The following FBXL7 variants were observed in gnomAD, a reference collection of about 807,000 sequenced individuals.
FBXL7 encodes F-box and leucine rich repeat protein 7.
Under a neutral mutation model 38.3 loss-of-function variants are expected in FBXL7, and 12 were observed. The observed-to-expected ratio is 0.31, with a 90% CI of 0.20 to 0.51. FBXL7 has a LOEUF of 0.51. Among genes scored for constraint, FBXL7 ranks in the 20% least tolerant of loss-of-function variants. The pLI, the probability that FBXL7 is intolerant of heterozygous loss-of-function variation, is 0.98. For missense variants in FBXL7, 567 were observed against 676.4 expected (o/e 0.84, Z 1.79); for synonymous variants, 297 against 300.9 (o/e 0.99, Z 0.13).
intron 2 of FBXL7, among the ~76,000 whole-genome samples, chr5:15,776,453 A>T (rs975398963): frequency 2.0e-5 from 3 of 152,272 alleles, no homozygotes; most frequent in African/African-American, 4.8e-5. Context: ...GAAAAAAAAC[A>T]TGATCTGGGT....
intron 2 of FBXL7, among the ~76,000 whole-genome samples, chr5:15,626,945 C>A (rs1740841555): frequency 6.6e-6 from 1 of 152,108 alleles, no homozygotes; most frequent in Admixed American, 6.6e-5. Flanking sequence ...GGAGAGCTCA[C>A]AATATGTCAG....
At chr5:15,689,022 C>G (rs1403824126) in intron 2 of FBXL7, among the ~76,000 whole-genome samples, 1 of 152,194 alleles carries the variant, frequency 6.6e-6, no homozygotes, top group Non-Finnish European at 1.5e-5. Context: ...AGGCCTCGTC[C>G]TCCATCTCCC....
At chr5:15,626,812 C>A (rs1319253967) in intron 2 of FBXL7, among the ~76,000 whole-genome samples, 1 of 152,152 alleles carries the variant, frequency 6.6e-6, no homozygotes, top group African/African-American at 2.4e-5. Context: ...CTAAGTACAT[C>A]TAAGTGTATT....
intron 2 of FBXL7, among the ~76,000 whole-genome samples, chr5:15,676,220 T>G (rs907323065): frequency 1.3e-5 from 2 of 152,322 alleles, no homozygotes; most frequent in Non-Finnish European, 2.9e-5. Context: ...GGGGCCCTTT[T>G]CAGCTCTAAA....
intron 2 of FBXL7, among the ~76,000 whole-genome samples, chr5:15,841,129 C>CT (rs954042882): frequency 3.3e-5 from 5 of 151,852 alleles, no homozygotes; most frequent in East Asian, 1.9e-4. Flanking sequence ...TAACTTTGCT[C>CT]TTTTTTTCCC....
chr5:15,714,886 A>T (rs570591304), intron 2 of FBXL7, among the ~76,000 whole-genome samples: 202 of 148,982 alleles, frequency 1.4e-3, no homozygotes, highest in African/African-American at 4.9e-3. Flanking sequence ...GGAGTGTCGG[A>T]ATCATAGAAG....
chr5:15,676,344 G>A (rs1742654556), intron 2 of FBXL7, among the ~76,000 whole-genome samples: 1 of 152,138 alleles, frequency 6.6e-6, no homozygotes, highest in Admixed American at 6.6e-5. Flanking sequence ...ATATCCGATT[G>A]GCTAAAAGTT....
Position 15,937,161 on chromosome 5 carries a change from A to G in FBXL7, c.1451A>G (p.Glu484Gly). ...VKRHCKRCVI[E>G]HTNPAFF The stretch of plus-strand genomic sequence containing the variant: ...CGCCACTGCAAGCGCTGCGTCATCG[A>G]GCACACCAACCCGGCTTTCTTCTGA... The change falls in exon 4 of 4, where the codon GAG (glutamate) becomes GGG (glycine). Residue 484 changes from glutamate to glycine, a missense_variant. Transcript: ENST00000504595. 1 of 1,599,554 alleles carries G rather than the reference A, an allele frequency of 6.3e-7. No homozygotes were observed. The highest frequency in any genetic ancestry group is 1.1e-5 in the South Asian group (1 of 90,094).
rs1354412437 is a variant in FBXL7 at position 15,872,194 on chromosome 5, A to C, written c.128-55696A>C. On this transcript the variant is annotated intron_variant, in intron 2 of 3. Transcript: ENST00000504595. ...TATCCAGCCAAACAGCTTCATAAGC[A>C]AAGGAGAAATAAAATCCTTTCCAGA... 3.3e-5 allele frequency among the ~76,000 whole-genome samples: 5 copies of C among 152,318 alleles called. No homozygotes were observed. In the South Asian group the frequency reaches 6.2e-4, roughly 19 times the overall value.
chr5:15,899,807 G>A (rs1741191329), intron 2 of FBXL7, among the ~76,000 whole-genome samples: 1 of 152,114 alleles, frequency 6.6e-6, no homozygotes. Context: ...AAGGGAAAGA[G>A]CTTTCAACAG....
chr5:15,527,355 T>C (rs975354621), intron 1 of FBXL7, among the ~76,000 whole-genome samples: 5 of 152,200 alleles, frequency 3.3e-5, no homozygotes, highest in Non-Finnish European at 5.9e-5. Context: ...GTGATGGTGA[T>C]TTTTTTCTTA....
At chr5:15,769,250 G>T (rs908976691) in intron 2 of FBXL7, among the ~76,000 whole-genome samples, 2 of 152,124 alleles carry the variant, frequency 1.3e-5, no homozygotes, top group African/African-American at 4.8e-5. Context: ...AATAAATAAT[G>T]CCATATCAAT....
At chr5:15,612,482 C>T (rs1260149952) in intron 1 of FBXL7, among the ~76,000 whole-genome samples, 3 of 152,240 alleles carry the variant, frequency 2.0e-5, no homozygotes, top group Non-Finnish European at 4.4e-5. Context: ...GATCAGCACA[C>T]ATGTCCTCAC....
chr5:15,936,796 G>C lies in FBXL7; in HGVS notation c.1086G>C (p.Arg362=). ...ACCTGAGCATCGCGCACTGCGGCCG[G>C]GTCACCGACGTGGGCATCCGCTACG... ...LRYLSIAHCG[R]VTDVGIRYVA... is the part of the protein sequence containing the mutation. The change falls in exon 4 of 4, where the codon CGG becomes CGC. Residue 362 remains arginine (R), a synonymous_variant. Coordinates refer to ENST00000504595, the MANE Select transcript of FBXL7 (RefSeq NM_012304.5). This position sits in a 1 kb window ranked among gnomAD's most constrained non-coding sequence, Gnocchi z 6.0. 1.2e-6 allele frequency: 2 copies of C among 1,612,364 alleles called. No individual in the cohort carries two copies. The highest frequency in any genetic ancestry group is 1.7e-6 in the Non-Finnish European group (2 of 1,179,492).
chr5:15,809,749 C>G (rs1198095600), intron 2 of FBXL7, among the ~76,000 whole-genome samples: 1 of 152,120 alleles, frequency 6.6e-6, no homozygotes, highest in Non-Finnish European at 1.5e-5. Flanking sequence ...AAACAGAACT[C>G]TGAGGCACTA....
chr5:15,936,799 C>T lies in FBXL7; in HGVS notation c.1089C>T (p.Val363=). ...RYLSIAHCGR[V]TDVGIRYVAK... Reference sequence around the variant, plus strand: ...TGAGCATCGCGCACTGCGGCCGGGTCACCGACGTGGGCATCCGCTACGTGG... The same window carrying T: ...TGAGCATCGCGCACTGCGGCCGGGTTACCGACGTGGGCATCCGCTACGTGG... The change falls in exon 4 of 4, where the codon GTC becomes GTT. Residue 363 remains valine, a synonymous_variant. Transcript: ENST00000504595. The surrounding 1 kb of genome is among the most constrained non-coding windows in gnomAD (Gnocchi z 6.0). 6.2e-7 allele frequency: 1 copy of T among 1,612,496 alleles called. No individual in the cohort carries two copies. Among genetic ancestry groups the T allele is most frequent in the Non-Finnish European group, 8.5e-7 (1 of 1,179,508 alleles).
At position 15,828,471 on chromosome 5, in the gene FBXL7, C is replaced by T. The variant is rs1025885515; in HGVS notation, c.128-99419C>T. On this transcript the variant is annotated intron_variant, in intron 2 of 3. Transcript: ENST00000504595. The stretch of plus-strand genomic sequence containing the variant: ...ATCTTAAGTTGAATGAATGAATGAA[C>T]CCTAGTTGAATTTTTCAAATATAGC... Among the ~76,000 whole-genome samples, 6 of 152,100 alleles carry T rather than the reference C, an allele frequency of 3.9e-5. No individual in the cohort carries two copies. The East Asian group carries it at 1.2e-3, about 29-fold the overall frequency.
At chr5:15,779,305 A>G (rs1284634875) in intron 2 of FBXL7, among the ~76,000 whole-genome samples, 1 of 152,110 alleles carries the variant, frequency 6.6e-6, no homozygotes, top group East Asian at 1.9e-4. Flanking sequence ...ATAGTTAAAT[A>G]TAATTTATTA....
At chr5:15,811,419 G>C (rs1236594170) in intron 2 of FBXL7, among the ~76,000 whole-genome samples, 1 of 151,992 alleles carries the variant, frequency 6.6e-6, no homozygotes, top group East Asian at 1.9e-4. Flanking sequence ...GCTCTTCTCT[G>C]TGTGTGTGTA....
Sources: gnomAD v4.1 joint callset for allele counts (sites outside exome capture counted in the v4.1 genomes callset) on GRCh38, gnomAD v4.1.1 for gene constraint, Gnocchi (gnomAD v3.1) non-coding constraint, MANE v1.5 for transcripts, NCBI Gene and HGNC (gene_info 2026-07-23, HGNC 2026-07-21) for gene names.